XPO4: variants seen among roughly 807,000 people sequenced by gnomAD.
The protein encoded by XPO4 is exportin-4.
A neutral mutation model predicts 143.0 loss-of-function variants in XPO4; 39 were observed. The ratio of observed to expected loss-of-function variants is 0.27; its 90% CI spans 0.21 to 0.36. The LOEUF (loss-of-function observed/expected upper bound fraction) is 0.36, where lower values mean the gene tolerates loss of function less well. Ranked by LOEUF, XPO4 falls within the 10% of genes least tolerant of loss-of-function variation. The pLI is 1.00. For synonymous variants in XPO4, 439 were observed against 474.0 expected, an observed-to-expected ratio of 0.93 and a Z score of 0.96; for missense variants, 907 against 1,348.0, an observed-to-expected ratio of 0.67 and a Z score of 5.12.
intron 6 of XPO4, among the ~76,000 whole-genome samples, chr13:20,827,428 C>A (rs534881116): frequency 6.6e-6 from 1 of 152,124 alleles, no homozygotes; most frequent in East Asian, 1.9e-4. Context: ...TGTAGGCATA[C>A]AGAAACTTTG....
rs147952664 is a variant in XPO4, at chr13:20,887,192, T to C, written c.69+15478A>G. The stretch of plus-strand genomic sequence containing the variant: ...ACAGGAAACACTCCTTACGCCATTT[T>C]AAGAGCCTAGCATATCATCATAAAT... On this transcript the variant is annotated intron_variant, in intron 1 of 22. Transcript: ENST00000255305. Among the ~76,000 whole-genome samples the C allele has an allele frequency of 7.9e-4, 120 of 152,318 alleles. 1 individual carries two copies. The highest frequency in any genetic ancestry group is 2.9e-3 in the African/African-American group (119 of 41,566).
At chr13:20,867,631 ACT>A (rs1339050405) in intron 2 of XPO4, among the ~76,000 whole-genome samples, 4 of 152,112 alleles carry the variant, frequency 2.6e-5, no homozygotes, top group Non-Finnish European at 5.9e-5. Flanking sequence ...CAATCGAACA[ACT>A]CTCTTCCATA....
At chr13:20,823,850 C>T (rs1384255498) in intron 7 of XPO4, among the ~76,000 whole-genome samples, 1 of 152,172 alleles carries the variant, frequency 6.6e-6, no homozygotes, top group Non-Finnish European at 1.5e-5. Flanking sequence ...CGGGGTTTCG[C>T]CATGTTGGCC....
At chr13:20,869,600 C>T (rs1371616795) in intron 1 of XPO4, 2 of 781,964 alleles carry the variant, frequency 2.6e-6, no homozygotes, top group Non-Finnish European at 3.1e-6. Context: ...TAGATCAACA[C>T]TCATTATAAA....
At chr13:20,867,664 C>G (rs1294319498) in intron 2 of XPO4, among the ~76,000 whole-genome samples, 1 of 152,130 alleles carries the variant, frequency 6.6e-6, no homozygotes, top group African/African-American at 2.4e-5. Flanking sequence ...TGTAAAGCAC[C>G]TTTAACACAT....
intron 1 of XPO4, among the ~76,000 whole-genome samples, chr13:20,885,827 G>A (rs2060456972): frequency 6.6e-6 from 1 of 151,980 alleles, no homozygotes; most frequent in East Asian, 1.9e-4. Context: ...TACAAAAGTA[G>A]AAAAAAATTC....
In XPO4 at chr13:20,797,002, T is replaced by G; in HGVS notation, c.2378A>C (p.Gln793Pro). 6.2e-7 allele frequency: 1 copy of G among 1,612,646 alleles called. No homozygotes were observed. The highest frequency in any genetic ancestry group is 8.5e-7 in the Non-Finnish European group (1 of 1,179,324). ...GACTTCCTCTTGCTGACACATCTGC[T>G]GGAAGTTTTCTTGGTTTATCACTCT... ...FLRVINQENF[Q>P]QMCQQEEVKQ... Residue 793 changes from glutamine (Q) to proline (P), a missense_variant, in exon 17 of 23, where the codon CAG (glutamine) becomes CCG (proline). Transcript: ENST00000255305.
intron 1 of XPO4, among the ~76,000 whole-genome samples, chr13:20,889,555 C>T (rs1357833907): frequency 6.6e-6 from 1 of 152,130 alleles, no homozygotes; most frequent in African/African-American, 2.4e-5. Context: ...CCCTCAGCAA[C>T]AAAAAGTATC....
intron 22 of XPO4, among the ~76,000 whole-genome samples, chr13:20,786,747 A>C (rs139129105): frequency 1.4e-4 from 22 of 152,350 alleles, no homozygotes; most frequent in Middle Eastern, 3.4e-3. Context: ...GTGGAGGACA[A>C]AAAATAAATG....
chr13:20,843,041 T>C lies in XPO4; in HGVS notation c.581A>G (p.Asp194Gly), dbSNP rs1384916325. 1 of 1,609,466 alleles carries C rather than the reference T, an allele frequency of 6.2e-7. No individual in the cohort carries two copies. The highest frequency in any genetic ancestry group is 8.5e-7 in the Non-Finnish European group (1 of 1,177,280). The change falls in exon 6 of 23, where the codon GAC becomes GGC. Residue 194 changes from aspartate to glycine, a missense_variant. Physicochemically the swap from Asp to Gly is moderately conservative, Grantham distance 94. Coordinates refer to ENST00000255305, the MANE Select transcript of XPO4 (RefSeq NM_022459.5). ...GNCKRVFQEE[D>G]LRQIFMLTVE... ...AGTTAACATGAAGATCTGACGAAGG[T>C]CTTCTTCCTATAGTCAATAAATCAC... is the stretch of plus-strand genomic sequence containing the variant.
At chr13:20,841,201 T>C (rs967997015) in intron 6 of XPO4, among the ~76,000 whole-genome samples, 1 of 152,232 alleles carries the variant, frequency 6.6e-6, no homozygotes, top group African/African-American at 2.4e-5. Context: ...TTTTAAAATA[T>C]GTCTCAAGGT....
chr13:20,821,392 T>G (rs1023016925), intron 9 of XPO4, among the ~76,000 whole-genome samples: 3 of 152,146 alleles, frequency 2.0e-5, no homozygotes, highest in Non-Finnish European at 4.4e-5. Context: ...GAAAGAGCCT[T>G]CGACATAATT....
chr13:20,891,206 G>GT (rs2060513088), intron 1 of XPO4, among the ~76,000 whole-genome samples: 1 of 149,448 alleles, frequency 6.7e-6, no homozygotes, highest in Non-Finnish European at 1.5e-5. Context: ...CACTACCACA[G>GT]TGGCTCCCTT....
Position 20,807,449 on chromosome 13 carries a change from T to C in XPO4, c.1817+8A>G, listed in dbSNP as rs372724957. On this transcript the variant is annotated splice_region_variant and intron_variant, in intron 13 of 22. Transcript: ENST00000255305. ...ATTACAAGAGCACAGCTATAGAGTT[T>C]ATATTACCTAATCACAGAATCTGTT... 1.2e-6 allele frequency: 2 copies of C among 1,608,566 alleles called. No homozygotes were observed. The highest frequency in any genetic ancestry group is 1.7e-6 in the Non-Finnish European group (2 of 1,178,338).
chr13:20,799,191 C>G lies in XPO4; in HGVS notation c.2296G>C (p.Glu766Gln). ...TCTGTCCAATACTGCTGTTTGGTTTCTGTGTCCATATGTGCAAAACCTCCT... is the reference window on the plus strand; with the variant it reads ...TCTGTCCAATACTGCTGTTTGGTTTGTGTGTCCATATGTGCAAAACCTCCT... The part of the protein sequence containing the change: ...VLGGFAHMDT[E>Q]TKQQYWTEVL... The change falls in exon 16 of 23, where the codon GAA (glutamate) becomes CAA (glutamine). Residue 766 changes from glutamate (E) to glutamine (Q), a missense_variant. Coordinates refer to ENST00000255305, the MANE Select transcript of XPO4 (RefSeq NM_022459.5). 6.2e-7 allele frequency: 1 copy of G among 1,609,514 alleles called. No homozygotes were observed. The highest frequency in any genetic ancestry group is 2.2e-5 in the East Asian group (1 of 44,804).
chr13:20,865,379 C>A, intron 2 of XPO4: 6 of 757,680 alleles, frequency 7.9e-6, no homozygotes, highest in Non-Finnish European at 9.6e-6. Context: ...TCAAGTGATC[C>A]ACCCACCTCA....
intron 4 of XPO4, chr13:20,850,213 G>C (rs1307622268): frequency 1.0e-6 from 1 of 985,032 alleles, no homozygotes; most frequent in East Asian, 1.1e-4. Flanking sequence ...ATTTATTATA[G>C]TTCACTTCCC....
intron 6 of XPO4, among the ~76,000 whole-genome samples, chr13:20,839,990 A>T (rs2059957416): frequency 6.6e-6 from 1 of 152,102 alleles, no homozygotes; most frequent in South Asian, 2.1e-4. Flanking sequence ...CTCAAAAATA[A>T]ATAAATAAAT....
chr13:20,842,629 T>C (rs2059987459), intron 6 of XPO4, among the ~76,000 whole-genome samples: 1 of 152,218 alleles, frequency 6.6e-6, no homozygotes. Flanking sequence ...ATGCTAATCC[T>C]GAATTAGCAA....
Sources: gnomAD v4.1 joint callset for allele counts (sites outside exome capture counted in the v4.1 genomes callset) on GRCh38, gnomAD v4.1.1 for gene constraint, MANE v1.5 for transcripts, NCBI Gene and HGNC (gene_info 2026-07-23, HGNC 2026-07-21) for gene names.